Variants in ANK2 observed in about 807,000 individuals in gnomAD.
ANK2 encodes ankyrin 2, also known as ankyrin-2.
A neutral mutation model predicts 360.5 loss-of-function variants in ANK2; 83 were observed. The ratio of observed to expected loss-of-function variants is 0.23; its 90% confidence interval spans 0.19 to 0.28. The LOEUF is 0.28. Ranked by LOEUF, ANK2 falls within the 10% of genes least tolerant of loss-of-function variation. The probability of loss-of-function intolerance (pLI) is 1.00; values close to 1 mark genes in which losing one functional copy is unlikely to be tolerated. For missense variants in ANK2, 4,201 were observed against 4,795.7 expected (o/e 0.88, Z 3.66); for synonymous variants, 1,740 against 1,759.5 (o/e 0.99, Z 0.28).
intron 2 of ANK2, among the ~76,000 whole-genome samples, chr4:112,962,871 G>A (rs182696834): frequency 1.4e-4 from 21 of 152,234 alleles, no homozygotes; most frequent in African/African-American, 4.8e-4. Context: ...CCATTCAGCT[G>A]TATAAGGGAA....
chr4:112,961,758 T>C (rs1465105808), intron 2 of ANK2, among the ~76,000 whole-genome samples: 1 of 152,158 alleles, frequency 6.6e-6, no homozygotes, highest in African/African-American at 2.4e-5. Context: ...TGAAAATTGC[T>C]AATATGACTA....
At chr4:113,005,005 A>G (rs1366663929) in intron 2 of ANK2, among the ~76,000 whole-genome samples, 1 of 152,236 alleles carries the variant, frequency 6.6e-6, no homozygotes, top group Non-Finnish European at 1.5e-5. Context: ...TAACTAAGAC[A>G]TGAAAACAAT....
the ANK2 span, among the ~76,000 whole-genome samples, chr4:112,792,045 T>C: frequency 1.1e-3 from 129 of 121,546 alleles, no homozygotes; most frequent in South Asian, 2.2e-3. Flanking sequence ...TTTTTTTTTT[T>C]TTTTTTTTTT....
At position 113,110,198 on chromosome 4, in the gene ANK2, C is replaced by T. The variant is rs182664776; in HGVS notation, c.84+60386C>T. ...GGAGCAAAGGCACATCTTACCTGGCCGCAGGCAAGAGAGTGTGTGCAGGGG... is the reference window on the plus strand; with the variant it reads ...GGAGCAAAGGCACATCTTACCTGGCTGCAGGCAAGAGAGTGTGTGCAGGGG... On this transcript the variant is annotated intron_variant, in intron 1 of 45. Coordinates refer to ENST00000357077, the MANE Select transcript of ANK2 (RefSeq NM_001148.6). Among the ~76,000 whole-genome samples the T allele has an allele frequency of 2.5e-4, 38 of 152,222 alleles. No individual in the cohort carries two copies. The East Asian group carries it at 5.0e-3, about 20-fold the overall frequency.
At chr4:113,032,264 C>G (rs895253619) in intron 2 of ANK2, among the ~76,000 whole-genome samples, 1 of 152,038 alleles carries the variant, frequency 6.6e-6, no homozygotes, top group Non-Finnish European at 1.5e-5. Context: ...TTTTGTTGAT[C>G]TAATTTTTGA....
chr4:113,208,421 T>A (rs2098980262), intron 4 of ANK2, among the ~76,000 whole-genome samples: 1 of 151,930 alleles, frequency 6.6e-6, no homozygotes, highest in East Asian at 1.9e-4. Flanking sequence ...TGTCAATAGA[T>A]CTCTCCCTTG....
intron 35 of ANK2, 41 bp downstream of exon 35, chr4:113,346,063 G>A (rs1375347925): frequency 6.2e-7 from 1 of 1,609,802 alleles, no homozygotes; most frequent in South Asian, 1.1e-5. Flanking sequence ...GGTAGAGTAG[G>A]AATTGATTTT....
chr4:113,346,967 T>G (rs2094930116), intron 35 of ANK2, among the ~76,000 whole-genome samples: 1 of 152,178 alleles, frequency 6.6e-6, no homozygotes, highest in Admixed American at 6.5e-5. Context: ...AGCTCTCACA[T>G]GGCAATCTAT....
the ANK2 span, among the ~76,000 whole-genome samples, chr4:112,802,386 G>A: frequency 2.0e-5 from 3 of 152,282 alleles, no homozygotes; most frequent in Admixed American, 6.5e-5. Context: ...CTGCTTCTTG[G>A]GAGCATAACC....
intron 34 of ANK2, among the ~76,000 whole-genome samples, chr4:113,344,196 G>A (rs1443661989): frequency 6.6e-6 from 1 of 152,124 alleles, no homozygotes. Flanking sequence ...TTGGTGTGCA[G>A]AATCATTCTA....
At chr4:113,255,141 T>C (rs1429281768) in intron 10 of ANK2, among the ~76,000 whole-genome samples, 4 of 152,212 alleles carry the variant, frequency 2.6e-5, no homozygotes, top group Non-Finnish European at 5.9e-5. Context: ...TGTGAGGTCA[T>C]TGGCACATGG....
intron 45 of ANK2, 75 bp downstream of exon 45, chr4:113,373,524 T>A (rs2154075665): frequency 1.4e-6 from 2 of 1,467,672 alleles, no homozygotes. Context: ...TGAGTGAGAT[T>A]GTTTATTCAT....
the ANK2 span, among the ~76,000 whole-genome samples, chr4:112,803,628 G>T: frequency 5.3e-3 from 809 of 152,202 alleles, 11 homozygotes; most frequent in African/African-American, 0.019. Flanking sequence ...GAATTTCTAC[G>T]TGCAGAATTG....
At chr4:113,225,445 A>G (rs2099206727) in intron 4 of ANK2, among the ~76,000 whole-genome samples, 1 of 152,172 alleles carries the variant, frequency 6.6e-6, no homozygotes, top group African/African-American at 2.4e-5. Flanking sequence ...TTACTCTTAT[A>G]TTAAGATAAA....
At chr4:113,236,891 A>G in intron 5 of ANK2, 96 bp from the exon 6 acceptor site, 2 of 1,269,292 alleles carry the variant, frequency 1.6e-6, no homozygotes, top group Non-Finnish European at 2.3e-6. Context: ...TTGGTTGTCA[A>G]TCTTGATCAT....
chr4:113,327,309 T>C (rs2090481768), intron 26 of ANK2, among the ~76,000 whole-genome samples: 1 of 152,224 alleles, frequency 6.6e-6, no homozygotes, highest in Admixed American at 6.5e-5. Context: ...AGGAAATCAA[T>C]GTATTAGGTC....
At chr4:113,009,615 G>C (rs1434882056) in intron 2 of ANK2, among the ~76,000 whole-genome samples, 2 of 152,064 alleles carry the variant, frequency 1.3e-5, no homozygotes, top group Non-Finnish European at 2.9e-5. Context: ...AGCATCCCAT[G>C]ATTCTAGAGA....
the ANK2 span, among the ~76,000 whole-genome samples, chr4:112,785,447 G>A: frequency 2.0e-5 from 3 of 147,828 alleles, no homozygotes; most frequent in African/African-American, 7.5e-5. Flanking sequence ...GATCTCGGCT[G>A]ACTGCAACCG....
At chr4:112,714,545 A>G in the ANK2 span, among the ~76,000 whole-genome samples, 1 of 152,224 alleles carries the variant, frequency 6.6e-6, no homozygotes, top group Non-Finnish European at 1.5e-5. Flanking sequence ...ACAAGCACTC[A>G]TTTCTAGAAG....
Sources: allele counts gnomAD v4.1 joint callset (sites outside exome capture counted in the v4.1 genomes callset), GRCh38; gene constraint gnomAD v4.1.1; transcripts MANE v1.5; gene names NCBI Gene and HGNC (gene_info 2026-07-23, HGNC 2026-07-21).